The following CDH4 variants were observed in gnomAD, a reference collection of about 807,000 sequenced individuals.
CDH4 encodes cadherin 4, also known as cadherin-4.
A neutral mutation model predicts 86.0 loss-of-function variants in CDH4; 33 were observed. The observed-to-expected ratio is 0.38, with a 90% confidence interval of 0.29 to 0.51. CDH4 has a LOEUF of 0.51. Among genes scored for constraint, CDH4 ranks in the 20% least tolerant of loss-of-function variants. CDH4 has a pLI of 0.86. For missense variants in CDH4, 1,114 were observed against 1,307.4 expected, an observed-to-expected ratio of 0.85 and a Z score of 2.28; for synonymous variants, 555 against 549.4, an observed-to-expected ratio of 1.01 and a Z score of -0.14.
chr20:61,488,817 A>G (rs916014931), intron 2 of CDH4, among the ~76,000 whole-genome samples: 6 of 152,190 alleles, frequency 3.9e-5, no homozygotes, highest in African/African-American at 1.4e-4. Context: ...GGGTGCACCT[A>G]AAACAGTCAC....
intron 2 of CDH4, among the ~76,000 whole-genome samples, chr20:61,462,439 A>T (rs1406080795): frequency 6.6e-6 from 1 of 152,178 alleles, no homozygotes; most frequent in Non-Finnish European, 1.5e-5. Flanking sequence ...ATATGATTAC[A>T]ATTTATTCTC....
At chr20:61,568,004 T>A (rs2086313093) in intron 2 of CDH4, among the ~76,000 whole-genome samples, 1 of 152,114 alleles carries the variant, frequency 6.6e-6, no homozygotes, top group African/African-American at 2.4e-5. Flanking sequence ...TATTTAAAAA[T>A]TTTAGGTAGT....
chr20:61,916,441 G>T (rs2054904285), intron 9 of CDH4, among the ~76,000 whole-genome samples: 2 of 152,238 alleles, frequency 1.3e-5, no homozygotes, highest in African/African-American at 4.8e-5. Context: ...AATAGACCCT[G>T]GATATAAATG....
intron 2 of CDH4, among the ~76,000 whole-genome samples, chr20:61,401,132 CA>C (rs1301029076): frequency 6.6e-6 from 1 of 151,944 alleles, no homozygotes; most frequent in Admixed American, 6.6e-5. Context: ...CTGTCCTTGG[CA>C]GACTCTGAAG....
chr20:61,279,161 A>G (rs1202768888), intron 2 of CDH4, among the ~76,000 whole-genome samples: 1 of 152,200 alleles, frequency 6.6e-6, no homozygotes, highest in African/African-American at 2.4e-5. Flanking sequence ...TTTATTAAGC[A>G]TGTTATTAAA....
chr20:61,547,216 TTTTTTTTG>T (rs1299807951), intron 2 of CDH4, among the ~76,000 whole-genome samples: 3 of 94,852 alleles, frequency 3.2e-5, no homozygotes, highest in Non-Finnish European at 6.6e-5. Context: ...TTTTTTTTTT[TTTTTTTTG>T]CCCCCTGAGA....
At chr20:61,451,265 CT>C (rs1411227984) in intron 2 of CDH4, among the ~76,000 whole-genome samples, 1 of 152,074 alleles carries the variant, frequency 6.6e-6, no homozygotes, top group East Asian at 1.9e-4. Context: ...CAAAAAGCGG[CT>C]GCATATAAGG....
chr20:61,300,085 T>C (rs1284071375), intron 2 of CDH4, among the ~76,000 whole-genome samples: 4 of 152,048 alleles, frequency 2.6e-5, no homozygotes, highest in Admixed American at 6.5e-5. Flanking sequence ...TGACTGGCCA[T>C]GCACTGGTGT....
In CDH4 at chr20:61,616,046, G is replaced by A. The variant is rs542328616; in HGVS notation, c.170-127517G>A. On this transcript the variant is annotated intron_variant, in intron 2 of 15. Coordinates refer to ENST00000614565, the MANE Select transcript of CDH4 (RefSeq NM_001794.5). ...CGCCTCGTGGCCACGGGCCCCCTGC[G>A]TCGTCCTGCCCTTGGGAACTCAGAG... Among the ~76,000 whole-genome samples the A allele has an allele frequency of 1.2e-3, 178 of 152,334 alleles. 1 individual carries two copies. The highest frequency in any genetic ancestry group is 3.7e-3 in the African/African-American group (155 of 41,578).
chr20:61,924,550 G>A lies in CDH4; in HGVS notation c.1771+74G>A, dbSNP rs898171487. ...CTGGGTTCTGTGGGCGAGGGAGGGT[G>A]CTGGCCAGGGAGACCCCGAGAGGCC... On this transcript the variant is annotated intron_variant, in intron 11 of 15. Coordinates refer to ENST00000614565, the MANE Select transcript of CDH4 (RefSeq NM_001794.5). 2.0e-6 allele frequency: 3 copies of A among 1,524,056 alleles called. No homozygotes were observed. In the Admixed American group the frequency reaches 5.7e-5, roughly 29 times the overall value. The allele number at this position is 1,524,056 out of a possible 1,614,324, so 94.4% of individuals were successfully genotyped here.
At chr20:61,351,242 T>C (rs201510512) in intron 2 of CDH4, among the ~76,000 whole-genome samples, 1 of 7,412 alleles carries the variant, frequency 1.3e-4, no homozygotes, top group African/African-American at 5.2e-3. Flanking sequence ...CATGGACAGA[T>C]TTTTTCTTGT....
chr20:61,677,912 T>C (rs1382086020), intron 2 of CDH4, among the ~76,000 whole-genome samples: 1 of 151,536 alleles, frequency 6.6e-6, no homozygotes. Context: ...TGATAGGTGA[T>C]AGATACATTA....
At chr20:61,782,692 C>G (rs67553581) in intron 4 of CDH4, among the ~76,000 whole-genome samples, 3,177 of 152,284 alleles carry the variant, frequency 0.021, 101 homozygotes, top group African/African-American at 0.072. Flanking sequence ...TTTTGAGGTT[C>G]TGACGTTGCT....
chr20:61,434,436 C>A (rs769984488), intron 2 of CDH4, among the ~76,000 whole-genome samples: 7 of 152,250 alleles, frequency 4.6e-5, no homozygotes, highest in Non-Finnish European at 1.0e-4. Flanking sequence ...CACTGCGATG[C>A]ATTTATGAGA....
chr20:61,804,271 A>G (rs1185201020), intron 4 of CDH4, among the ~76,000 whole-genome samples: 2 of 152,220 alleles, frequency 1.3e-5, no homozygotes, highest in African/African-American at 2.4e-5. Flanking sequence ...TCTCTGAGGC[A>G]TCACCAGACG....
At chr20:61,300,622 T>C (rs188895913) in intron 2 of CDH4, among the ~76,000 whole-genome samples, 72 of 152,254 alleles carry the variant, frequency 4.7e-4, no homozygotes, top group African/African-American at 1.6e-3. Context: ...CGGGTCTGTG[T>C]CCCCTCTGTC....
At chr20:61,651,143 G>T (rs551658286) in intron 2 of CDH4, among the ~76,000 whole-genome samples, 1 of 151,740 alleles carries the variant, frequency 6.6e-6, no homozygotes, top group East Asian at 1.9e-4. Flanking sequence ...TGGTGTGCTC[G>T]TGTGAGTGAG....
intron 2 of CDH4, among the ~76,000 whole-genome samples, chr20:61,301,996 A>G (rs1283637875): frequency 3.9e-5 from 6 of 152,264 alleles, no homozygotes; most frequent in Non-Finnish European, 8.8e-5. Flanking sequence ...AGTTGCCCAA[A>G]ACGTCTCCAG....
chr20:61,444,845 G>A (rs1291848604), intron 2 of CDH4, among the ~76,000 whole-genome samples: 3 of 151,928 alleles, frequency 2.0e-5, no homozygotes, highest in Admixed American at 6.6e-5. Flanking sequence ...GTGTCTGTGT[G>A]TATATTTGTG....
Sources: allele counts gnomAD v4.1 joint callset (sites outside exome capture counted in the v4.1 genomes callset), GRCh38; gene constraint gnomAD v4.1.1; transcripts MANE v1.5; gene names NCBI Gene and HGNC (gene_info 2026-07-23, HGNC 2026-07-21).